PREP: variants seen among roughly 807,000 people sequenced by gnomAD.
The protein encoded by PREP is prolyl endopeptidase, also known as dJ355L5.1 (prolyl endopeptidase).
Under a neutral mutation model 87.6 loss-of-function variants are expected in PREP, and 29 were observed. The observed-to-expected ratio is 0.33, with a 90% CI of 0.25 to 0.45. The LOEUF (loss-of-function observed/expected upper bound fraction) is 0.45, where lower values mean the gene tolerates loss of function less well. Ranked by LOEUF, PREP falls within the 20% of genes least tolerant of loss-of-function variation. The pLI is 1.00. For synonymous variants in PREP, 337 were observed against 328.6 expected, an observed-to-expected ratio of 1.03 and a Z score of -0.28; for missense variants, 695 against 886.5, an observed-to-expected ratio of 0.78 and a Z score of 2.74.
At chr6:105,309,533 A>G (rs1443208996) in intron 10 of PREP, among the ~76,000 whole-genome samples, 1 of 152,138 alleles carries the variant, frequency 6.6e-6, no homozygotes, top group African/African-American at 2.4e-5. Context: ...TATTTTTAGT[A>G]GAGATGGGGT....
chr6:105,335,800 G>A (rs1478427332), intron 7 of PREP, among the ~76,000 whole-genome samples: 1 of 152,238 alleles, frequency 6.6e-6, no homozygotes, highest in African/African-American at 2.4e-5. Context: ...GGCTGAGGCA[G>A]GAGAATGGCG....
At chr6:105,349,924 C>CAAAAAAAAAAAAAAAAAAAAAAAA in intron 7 of PREP, among the ~76,000 whole-genome samples, 1 of 92,808 alleles carries the variant, frequency 1.1e-5, no homozygotes, top group South Asian at 3.8e-4. Flanking sequence ...AAAAAAAAAG[C>CAAAAAAAAAAAAAAAAAAAAAAAA]AAAAAAGATC....
At chr6:105,330,054 A>G (rs1305571019) in intron 8 of PREP, among the ~76,000 whole-genome samples, 1 of 152,224 alleles carries the variant, frequency 6.6e-6, no homozygotes, top group Non-Finnish European at 1.5e-5. Flanking sequence ...ACTGGTAAAG[A>G]GAACAAACGA....
intron 7 of PREP, among the ~76,000 whole-genome samples, chr6:105,342,466 C>G (rs1771682673): frequency 6.6e-6 from 1 of 152,170 alleles, no homozygotes; most frequent in Non-Finnish European, 1.5e-5. Flanking sequence ...CCTTTGAAAA[C>G]TGGCACAAGA....
At chr6:105,320,872 C>A (rs1462749858) in intron 10 of PREP, among the ~76,000 whole-genome samples, 1 of 152,188 alleles carries the variant, frequency 6.6e-6, no homozygotes, top group African/African-American at 2.4e-5. Flanking sequence ...CATTCATCCA[C>A]AAATCCCTCT....
chr6:105,380,704 A>G (rs1772813841), intron 2 of PREP, among the ~76,000 whole-genome samples: 1 of 152,176 alleles, frequency 6.6e-6, no homozygotes, highest in Non-Finnish European at 1.5e-5. Context: ...CAGAGCCCTA[A>G]GAAGGATTCC....
At position 105,376,181 on chromosome 6, in the gene PREP, G is replaced by A. The variant is rs1246895005; in HGVS notation, c.329C>T (p.Ala110Val). 1 of 1,613,868 alleles carries A rather than the reference G, an allele frequency of 6.2e-7. No individual in the cohort carries two copies. Among genetic ancestry groups the A allele is most frequent in the African/African-American group, 1.3e-5 (1 of 74,984 alleles). The part of the protein sequence containing the change: ...LYVQDSLEGE[A>V]RVFLDPNILS... ...TATGTTGGGGTCCAGGAACACTCTGGCCTCACCCTCTAAGGAATCCTGTAC... is the reference window on the plus strand; with the variant it reads ...TATGTTGGGGTCCAGGAACACTCTGACCTCACCCTCTAAGGAATCCTGTAC... Residue 110 changes from alanine (A) to valine (V), a missense_variant, in exon 4 of 15, where the codon GCC (alanine) becomes GTC (valine). Transcript: ENST00000652536.
intron 10 of PREP, among the ~76,000 whole-genome samples, chr6:105,308,138 G>A (rs1360511690): frequency 6.6e-6 from 1 of 151,940 alleles, no homozygotes; most frequent in Non-Finnish European, 1.5e-5. Flanking sequence ...ACTGAGAAGT[G>A]AAGAAGGAAA....
intron 10 of PREP, among the ~76,000 whole-genome samples, chr6:105,300,506 T>C (rs1343361059): frequency 6.6e-6 from 1 of 152,186 alleles, no homozygotes; most frequent in African/African-American, 2.4e-5. Context: ...ATCCCAACTT[T>C]TTAAGTAATC....
At chr6:105,374,136 G>C (rs1055280722) in intron 4 of PREP, among the ~76,000 whole-genome samples, 1 of 152,146 alleles carries the variant, frequency 6.6e-6, no homozygotes, top group Non-Finnish European at 1.5e-5. Flanking sequence ...GGTAAATAAA[G>C]CCTGAGGGTT....
intron 10 of PREP, chr6:105,298,520 A>T (rs9500081): frequency 2.6e-5 from 4 of 152,626 alleles, no homozygotes; most frequent in Non-Finnish European, 5.9e-5. Context: ...AGGGGTTGAC[A>T]CTGTTGCTAC....
chr6:105,352,923 T>C, intron 7 of PREP, 49 bp downstream of exon 7: 1 of 1,484,210 alleles, frequency 6.7e-7, no homozygotes, highest in Non-Finnish European at 9.4e-7. Flanking sequence ...TAATACTTTT[T>C]AAATGAAGTT....
intron 2 of PREP, among the ~76,000 whole-genome samples, chr6:105,387,470 A>G (rs1773028278): frequency 6.6e-6 from 1 of 152,132 alleles, no homozygotes; most frequent in African/African-American, 2.4e-5. Flanking sequence ...GCTTTCCCTG[A>G]TAGTGAACCA....
In PREP at chr6:105,379,772, GTGGA is replaced by G. The variant is rs140036081; in HGVS notation, c.121-2257_121-2254del. Among the ~76,000 whole-genome samples, 264 of 152,312 alleles carry G rather than the reference GTGGA, an allele frequency of 1.7e-3. 3 individuals are homozygous for G. The highest frequency in any genetic ancestry group is 6.0e-3 in the African/African-American group (248 of 41,568). Reference sequence around the variant, plus strand: ...GTGTGTTTACACTGATCGTGGCATTGTGGATGGATAAGTGACAAGTCCAAGCTAA... The same window carrying G: ...GTGTGTTTACACTGATCGTGGCATTGTGGATAAGTGACAAGTCCAAGCTAA... On this transcript the variant is annotated intron_variant, in intron 2 of 14. Transcript: ENST00000652536.
At chr6:105,379,207 C>T (rs1054948863) in intron 2 of PREP, among the ~76,000 whole-genome samples, 1 of 152,164 alleles carries the variant, frequency 6.6e-6, no homozygotes, top group African/African-American at 2.4e-5. Context: ...TTCGCCCTGG[C>T]CCGCTTTCCT....
rs112722236 is a variant in PREP at position 105,274,724 on chromosome 6, C to T, written c.*3420G>A. ...TGGAGGTTGCAGTAAGCTGAGATAG[C>T]GCCATTGCACTCCAGCCTGGGCCGT... On this transcript the variant is annotated 3_prime_UTR_variant, in exon 15 of 15. Coordinates refer to ENST00000652536, the MANE Select transcript of PREP (RefSeq NM_002726.5). Among the ~76,000 whole-genome samples, 1,141 of 152,204 alleles carry T rather than the reference C, an allele frequency of 7.5e-3. 21 individuals are homozygous for T. Among genetic ancestry groups the T allele is most frequent in the African/African-American group, 0.026 (1,081 of 41,532 alleles).
chr6:105,350,249 C>T (rs1321768682), intron 7 of PREP, among the ~76,000 whole-genome samples: 1 of 152,136 alleles, frequency 6.6e-6, no homozygotes, highest in Non-Finnish European at 1.5e-5. Flanking sequence ...GAACTCACTG[C>T]ATGCCAGAAA....
intron 7 of PREP, among the ~76,000 whole-genome samples, chr6:105,349,338 C>T (rs1771881005): frequency 2.0e-5 from 3 of 152,196 alleles, no homozygotes; most frequent in African/African-American, 7.2e-5. Flanking sequence ...GAAGTCCACA[C>T]TTATTTGACA....
chr6:105,362,569 C>A (rs1772282051), intron 6 of PREP, among the ~76,000 whole-genome samples: 1 of 152,222 alleles, frequency 6.6e-6, no homozygotes, highest in South Asian at 2.1e-4. Context: ...CTAAAAACAA[C>A]TCTCTTCTGC....
Sources: allele counts gnomAD v4.1 joint callset (sites outside exome capture counted in the v4.1 genomes callset), GRCh38; gene constraint gnomAD v4.1.1; transcripts MANE v1.5; gene names NCBI Gene and HGNC (gene_info 2026-07-23, HGNC 2026-07-21).